The following GNAO1 variants were observed in gnomAD, a reference collection of about 807,000 sequenced individuals.
The protein encoded by GNAO1 is guanine nucleotide-binding protein G(o) subunit alpha.
For synonymous variants in GNAO1, 164 were observed against 180.7 expected (o/e 0.91, Z 0.74); for missense variants, 166 against 478.7 (o/e 0.35, Z 6.10).
chr16:56,314,644 G>A (rs571083268), intron 3 of GNAO1, among the ~76,000 whole-genome samples: 16 of 152,272 alleles, frequency 1.1e-4, no homozygotes, highest in South Asian at 4.2e-4. Context: ...GCAGCCCGGC[G>A]CCGAGTCCAG....
At chr16:56,234,212 G>A (rs2036616307) in intron 2 of GNAO1, among the ~76,000 whole-genome samples, 6 of 152,376 alleles carry the variant, frequency 3.9e-5, no homozygotes, top group Admixed American at 3.3e-4. Flanking sequence ...GACACCCCAA[G>A]GAGAGTCTAC....
intron 8 of GNAO1, chr16:56,355,686 G>A (rs895598548): frequency 1.3e-4 from 20 of 152,342 alleles, no homozygotes; most frequent in African/African-American, 4.6e-4. Context: ...TCATTGCTCC[G>A]ACCAATCCAC....
At chr16:56,240,232 C>T (rs1429427014) in intron 2 of GNAO1, among the ~76,000 whole-genome samples, 1 of 152,144 alleles carries the variant, frequency 6.6e-6, no homozygotes, top group East Asian at 1.9e-4. Context: ...GTGTGGAGGG[C>T]TCGGGAGTGG....
intron 3 of GNAO1, among the ~76,000 whole-genome samples, chr16:56,284,208 G>T (rs116346566): frequency 5.3e-4 from 80 of 152,334 alleles, no homozygotes; most frequent in Non-Finnish European, 9.0e-4. Flanking sequence ...AGAGGCTCCC[G>T]GTCTTGGGCA....
At chr16:56,339,871 G>A (rs1394324329) in intron 6 of GNAO1, 1 of 152,406 alleles carries the variant, frequency 6.6e-6, no homozygotes, top group Non-Finnish European at 1.5e-5. Flanking sequence ...TCAGCTAAGA[G>A]TTGAAAGCAG....
At chr16:56,276,238 C>T (rs1302283870) in intron 3 of GNAO1, 166 bp downstream of exon 3, 2 of 517,232 alleles carry the variant, frequency 3.9e-6, no homozygotes, top group East Asian at 6.6e-5. Context: ...GCATCCACCC[C>T]TCTGGCAAAC....
In GNAO1 at chr16:56,356,730, G is replaced by A. The variant is rs189853188; in HGVS notation, c.*656G>A. 150 of 151,520 alleles carry A rather than the reference G, an allele frequency of 9.9e-4. 1 individual carries two copies. Among genetic ancestry groups the A allele is most frequent in the Non-Finnish European group, 2.5e-4 (17 of 67,886 alleles). 9.4% of individuals were successfully genotyped at this position (151,520 alleles called of 1,614,324 possible). ...CCCCATAGAAAACAATCTGCCCACCGACCCCCTTTCTAAGGATAGCCTTTG... is the reference window on the plus strand; with the variant it reads ...CCCCATAGAAAACAATCTGCCCACCAACCCCCTTTCTAAGGATAGCCTTTG... On this transcript the variant is annotated 3_prime_UTR_variant, in exon 9 of 9. Coordinates refer to ENST00000262493, the MANE Select transcript of GNAO1 (RefSeq NM_020988.3).
rs2036629437 is a variant in GNAO1, at chr16:56,235,448, C to A, written c.162-40483C>A. On this transcript the variant is annotated intron_variant, in intron 2 of 8. Transcript: ENST00000262493. ...TACGCAGTCCAGGCAAGGGGCTCTGCTGCTGCAGCCTGTGCCTGTCTACCA... is the reference window on the plus strand; with the variant it reads ...TACGCAGTCCAGGCAAGGGGCTCTGATGCTGCAGCCTGTGCCTGTCTACCA... 3 of 455,048 alleles carry A rather than the reference C, an allele frequency of 6.6e-6. No homozygotes were observed. The Admixed American group carries it at 7.1e-5, about 11-fold the overall frequency. 28.2% of individuals were successfully genotyped at this position (455,048 alleles called of 1,614,324 possible). A position where few individuals can be genotyped will look rare whatever the true frequency, so the allele number is the denominator to read the frequency against.
chr16:56,212,017 T>C (rs2036393775), intron 2 of GNAO1, among the ~76,000 whole-genome samples: 1 of 152,158 alleles, frequency 6.6e-6, no homozygotes, highest in Admixed American at 6.5e-5. Context: ...TCAGCCTGGA[T>C]CTGAAATGTG....
At chr16:56,230,123 T>A (rs1277700270) in intron 2 of GNAO1, among the ~76,000 whole-genome samples, 6 of 148,516 alleles carry the variant, frequency 4.0e-5, no homozygotes, top group African/African-American at 1.5e-4. Flanking sequence ...TCCATAACTT[T>A]AAAAAAAAAA....
At chr16:56,310,967 G>A (rs1408958122) in intron 3 of GNAO1, among the ~76,000 whole-genome samples, 1 of 152,074 alleles carries the variant, frequency 6.6e-6, no homozygotes, top group Admixed American at 6.6e-5. Flanking sequence ...CCCAGAAGTG[G>A]TATGCTTCAT....
chr16:56,258,687 C>A (rs543442135), intron 2 of GNAO1, among the ~76,000 whole-genome samples: 5 of 152,238 alleles, frequency 3.3e-5, no homozygotes, highest in Admixed American at 2.0e-4. Flanking sequence ...TCCCACAAAT[C>A]GGTCTGGACA....
At chr16:56,250,573 T>A (rs2036790438) in intron 2 of GNAO1, among the ~76,000 whole-genome samples, 1 of 152,190 alleles carries the variant, frequency 6.6e-6, no homozygotes, top group African/African-American at 2.4e-5. Flanking sequence ...CTGCTTTCAT[T>A]GAGATTGCGT....
intron 2 of GNAO1, among the ~76,000 whole-genome samples, chr16:56,222,496 C>G (rs919652423): frequency 2.0e-5 from 3 of 152,132 alleles, no homozygotes; most frequent in Non-Finnish European, 2.9e-5. Flanking sequence ...TAGAATGCCT[C>G]CCCACTCCCC....
chr16:56,355,335 A>T (rs1471914020), intron 8 of GNAO1: 2 of 154,778 alleles, frequency 1.3e-5, no homozygotes, highest in African/African-American at 2.4e-5. Context: ...GCACGTGAGC[A>T]TGCACGTGTG....
chr16:56,244,955 G>A (rs548053540), intron 2 of GNAO1, among the ~76,000 whole-genome samples: 3 of 152,296 alleles, frequency 2.0e-5, no homozygotes, highest in Non-Finnish European at 2.9e-5. Context: ...TAGTCAGGAT[G>A]TGGGCTACTG....
chr16:56,226,223 G>A (rs2036531849), intron 2 of GNAO1, among the ~76,000 whole-genome samples: 1 of 152,174 alleles, frequency 6.6e-6, no homozygotes, highest in South Asian at 2.1e-4. Context: ...GACCAAGTTT[G>A]TGGCAGTAGA....
At chr16:56,344,306 C>T (rs1041053123) in intron 6 of GNAO1, 6 of 1,157,008 alleles carry the variant, frequency 5.2e-6, no homozygotes, top group South Asian at 2.9e-5. Flanking sequence ...GTCCTCCTGT[C>T]ATCTTGGGTG....
At chr16:56,289,243 C>A (rs1477989986) in intron 3 of GNAO1, among the ~76,000 whole-genome samples, 1 of 152,198 alleles carries the variant, frequency 6.6e-6, no homozygotes, top group Non-Finnish European at 1.5e-5. Flanking sequence ...ATCCAGCGCA[C>A]TGGGGGGCAG....
Sources: allele counts gnomAD v4.1 joint callset (sites outside exome capture counted in the v4.1 genomes callset), GRCh38; gene constraint gnomAD v4.1.1; transcripts MANE v1.5; gene names NCBI Gene and HGNC (gene_info 2026-07-23, HGNC 2026-07-21).